Variants in PHKA2 observed in about 807,000 individuals in gnomAD.
PHKA2 encodes the protein phosphorylase b kinase regulatory subunit alpha, liver isoform.
In PHKA2, 31 loss-of-function variants were observed where a neutral mutation model predicts 102.0. That is an observed-to-expected ratio of 0.30 (90% CI 0.23 to 0.41). The LOEUF (loss-of-function observed/expected upper bound fraction) is 0.41, where lower values mean the gene tolerates loss of function less well. Ranked by LOEUF, PHKA2 falls within the 10% of genes least tolerant of loss-of-function variation. The pLI, the probability that PHKA2 is intolerant of heterozygous loss-of-function variation, is 1.00. For missense variants in PHKA2, 858 were observed against 1,023.1 expected (o/e 0.84, Z 2.20); for synonymous variants, 455 against 416.2 (o/e 1.09, Z -1.13).
Position 18,899,182 on chromosome X carries a change from G to C in PHKA2, c.3102C>G (p.Ser1034=). 8.3e-7 allele frequency: 1 copy of C among 1,208,753 alleles called. No individual in the cohort carries two copies. Among genetic ancestry groups the C allele is most frequent in the African/African-American group, 1.7e-5 (1 of 57,827 alleles). ...CCCGAGGCACTGTTACCGCAGACTT[G>C]GAGGAATGCGCACTGCTGGACGCGG... ...GQAASSSAHS[S]KSARSSTPSS... is the part of the protein sequence containing the mutation. The change falls in exon 29 of 33, where the codon TCC becomes TCG. Residue 1034 remains serine, a synonymous_variant. Coordinates refer to ENST00000379942, the MANE Select transcript of PHKA2 (RefSeq NM_000292.3).
intron 26 of PHKA2, 38 bp downstream of exon 26, chrX:18,905,720 C>T: frequency 1.1e-6 from 1 of 913,059 alleles, no homozygotes; most frequent in Non-Finnish European, 1.6e-6. Context: ...GTAAAGGAGG[C>T]AGCTCCCTGA....
chrX:18,893,727 G>C, intron 32 of PHKA2, 72 bp from the exon 33 acceptor site: 2 of 1,012,212 alleles, frequency 2.0e-6, no homozygotes, highest in Non-Finnish European at 2.8e-6. Flanking sequence ...CGTGGTGGTG[G>C]CAGCGGGTCA....
At chrX:18,900,801 C>A in intron 27 of PHKA2, 102 bp from the exon 28 acceptor site, 2 of 695,459 alleles carry the variant, frequency 2.9e-6, no homozygotes, top group East Asian at 6.6e-5. Context: ...GTTGGTCAAA[C>A]CGCAGGGGGT....
intron 3 of PHKA2, among the ~76,000 whole-genome samples, 165 bp downstream of exon 3, chrX:18,952,329 C>CA (rs1198542984): frequency 0.099 from 3,462 of 34,937 alleles, 297 homozygotes; most frequent in African/African-American, 0.23. Context: ...GACCCTGTCT[C>CA]AAAAAAAAAA....
rs1161175701 is a variant in PHKA2 at position 18,892,367 on chromosome X, A to G, written c.*1118T>C. 2 of 112,459 alleles carry G rather than the reference A, an allele frequency of 1.8e-5. No homozygotes were observed. Among genetic ancestry groups the G allele is most frequent in the African/African-American group, 6.5e-5 (2 of 30,909 alleles). The allele number at this position is 112,459 out of a possible 1,213,427, so 9.3% of individuals were successfully genotyped here. A position where few individuals can be genotyped will look rare whatever the true frequency, so the allele number is the denominator to read the frequency against. ...CCCATTGGTTTTGTTTCCTTCCCCC[A>G]AGGTAAGACAATGCCCGGAGAGAAA... On this transcript the variant is annotated 3_prime_UTR_variant, in exon 33 of 33. Transcript: ENST00000379942.
chrX:18,936,089 A>C lies in PHKA2; in HGVS notation c.1103T>G (p.Leu368Arg). The C allele has an allele frequency of 8.3e-7, 1 of 1,209,397 alleles. No homozygotes were observed. Among genetic ancestry groups the C allele is most frequent in the Non-Finnish European group, 1.1e-6 (1 of 893,517 alleles). Residue 368 changes from leucine to arginine, a missense_variant, in exon 11 of 33, where the codon CTG (leucine) becomes CGG (arginine). By Grantham distance (102) the Leu-to-Arg change is moderately radical. Transcript: ENST00000379942. ...CGGGACAGCGTAGAGTTCAGGCACC[A>C]GGCGGATCCCATTCTTGCCTCTGAT... ...ILIRGKNGIRLVPELYAVPPN... is the reference protein window; with the variant it reads ...ILIRGKNGIRRVPELYAVPPN...
rs184537378 is a variant in PHKA2 at position 18,907,058 on chromosome X, C to A, written c.2557G>T (p.Val853Leu). The A allele has an allele frequency of 3.3e-6, 4 of 1,194,921 alleles. No individual in the cohort carries two copies. Among genetic ancestry groups the A allele is most frequent in the Non-Finnish European group, 4.5e-6 (4 of 886,910 alleles). Residue 853 changes from valine to leucine, a missense_variant, in exon 23 of 33, where the codon GTG (valine) becomes TTG (leucine). By Grantham distance (32) the Val-to-Leu change is conservative (BLOSUM62 1). Around this residue, in one of 2 missense-constraint regions of PHKA2, gnomAD observed 671 missense variants for 745.2 expected, o/e 0.90. Coordinates refer to ENST00000379942, the MANE Select transcript of PHKA2 (RefSeq NM_000292.3). ...DLLSHQKQLTVGLPPEPREKI... is the reference protein window; with the variant it reads ...DLLSHQKQLTLGLPPEPREKI... ...TCCCGGGGCTCGGGCGGCAGGCCCA[C>A]GGTGAGCTGCTTCTGGTGCGAAAGC... is the stretch of plus-strand genomic sequence containing the variant.
intron 29 of PHKA2, chrX:18,898,059 C>G (rs995154357): frequency 8.9e-6 from 1 of 112,947 alleles, no homozygotes; most frequent in Non-Finnish European, 1.9e-5. Context: ...GGAAGACAAA[C>G]AGTGAAGCCC....
chrX:18,956,185 G>A lies in PHKA2; in HGVS notation c.79-1773C>T, dbSNP rs2048771427. On this transcript the variant is annotated intron_variant, in intron 1 of 32. Coordinates refer to ENST00000379942, the MANE Select transcript of PHKA2 (RefSeq NM_000292.3). ...CTAAAAATACAAAAATTAGCTGGGT[G>A]TGGTGGTGCGCGCCTATAGTCCCAG... 6.3e-5 allele frequency among the ~76,000 whole-genome samples: 7 copies of A among 111,263 alleles called. No individual in the cohort carries two copies. In the South Asian group the frequency reaches 2.6e-3, roughly 42 times the overall value.
At chrX:18,942,987 A>G (rs1601765000) in intron 7 of PHKA2, among the ~76,000 whole-genome samples, 4 of 111,191 alleles carry the variant, frequency 3.6e-5, no homozygotes, top group Admixed American at 1.9e-4. Context: ...TCTATAGCCA[A>G]CTGAGCCCAG....
chrX:18,952,447 T>C (rs2048712755), intron 3 of PHKA2, 47 bp downstream of exon 3: 13 of 1,077,525 alleles, frequency 1.2e-5, no homozygotes, highest in Non-Finnish European at 1.4e-5. Flanking sequence ...ACAATTACAA[T>C]GACATGGAAT....
At chrX:18,947,733 G>A (rs1250320644) in intron 5 of PHKA2, among the ~76,000 whole-genome samples, 3 of 112,371 alleles carry the variant, frequency 2.7e-5, no homozygotes, top group East Asian at 2.8e-4. Context: ...ATTCACAACT[G>A]TAAAAACATG....
At chrX:18,961,067 C>T (rs2048861504) in intron 1 of PHKA2, among the ~76,000 whole-genome samples, 1 of 112,061 alleles carries the variant, frequency 8.9e-6, no homozygotes, top group East Asian at 2.8e-4. Flanking sequence ...ACCATCTCAA[C>T]CATATTGAGT....
At chrX:18,976,271 G>A (rs1404905026) in intron 1 of PHKA2, among the ~76,000 whole-genome samples, 3 of 111,605 alleles carry the variant, frequency 2.7e-5, no homozygotes, top group African/African-American at 6.5e-5. Context: ...CACTGCACCT[G>A]GCCCAAATTC....
intron 13 of PHKA2, among the ~76,000 whole-genome samples, chrX:18,928,665 C>T (rs1007743004): frequency 8.9e-6 from 1 of 112,679 alleles, no homozygotes; most frequent in African/African-American, 3.2e-5. Context: ...CGCTTTCCCA[C>T]TGCAGCCTCA....
chrX:18,919,902 C>G (rs2048087178), intron 18 of PHKA2, 130 bp downstream of exon 18: 4 of 561,202 alleles, frequency 7.1e-6, no homozygotes, highest in African/African-American at 4.6e-5. Context: ...GTTTCAGAAG[C>G]CTCTTTTTTG....
intron 2 of PHKA2, among the ~76,000 whole-genome samples, 168 bp downstream of exon 2, chrX:18,954,086 A>G (rs2048739525): frequency 8.9e-6 from 1 of 112,000 alleles, no homozygotes; most frequent in Non-Finnish European, 1.9e-5. Context: ...CAGAAAGACC[A>G]ATGTGAGGTT....
Position 18,939,579 on chromosome X carries a change from C to T in PHKA2, c.918+416G>A, listed in dbSNP as rs188103470. Among the ~76,000 whole-genome samples the T allele has an allele frequency of 3.6e-3, 399 of 112,088 alleles. 1 individual carries two copies. Among genetic ancestry groups the T allele is most frequent in the African/African-American group, 0.012 (385 of 30,836 alleles). On this transcript the variant is annotated intron_variant, in intron 9 of 32. Coordinates refer to ENST00000379942, the MANE Select transcript of PHKA2 (RefSeq NM_000292.3). Reference sequence around the variant, plus strand: ...CGCGATTTCGGCTCAGTGCAAGCTCCGCCTCCCGGGTTCACGCCTTTCTCC... The same window carrying T: ...CGCGATTTCGGCTCAGTGCAAGCTCTGCCTCCCGGGTTCACGCCTTTCTCC...
At position 18,926,563 on chromosome X, in the gene PHKA2, T is replaced by C. The variant is rs981509312; in HGVS notation, c.1349A>G (p.His450Arg). 8.3e-7 allele frequency: 1 copy of C among 1,209,341 alleles called. No individual in the cohort carries two copies. Among genetic ancestry groups the C allele is most frequent in the South Asian group, 1.8e-5 (1 of 56,960 alleles). ...GTGTTTCCTCAATAAGTCCTTAATG[T>C]GATTGTTTTCTGCCAAAACAGTAAC... ...VQVTVLAENN[H>R]IKDLLRKHGV... Residue 450 changes from histidine to arginine, a missense_variant, in exon 14 of 33, where the codon CAC (histidine) becomes CGC (arginine). Around this residue, in one of 2 missense-constraint regions of PHKA2, gnomAD observed 671 missense variants for 745.2 expected, o/e 0.90. Transcript: ENST00000379942.
Sources: allele counts gnomAD v4.1 joint callset (sites outside exome capture counted in the v4.1 genomes callset), GRCh38; gene constraint gnomAD v4.1.1; regional missense constraint gnomAD v4.1.1; transcripts MANE v1.5; gene names NCBI Gene and HGNC (gene_info 2026-07-23, HGNC 2026-07-21).